The following BICD1 variants were observed in gnomAD, a reference collection of about 807,000 sequenced individuals.
BICD1 encodes BICD cargo adaptor 1.
In BICD1, 35 loss-of-function variants were observed where a neutral mutation model predicts 92.5. The observed-to-expected ratio is 0.38, with a 90% CI of 0.29 to 0.50. The LOEUF (loss-of-function observed/expected upper bound fraction) is 0.50. Among genes scored for constraint, BICD1 ranks in the 20% least tolerant of loss-of-function variants. The pLI is 0.93. For synonymous variants in BICD1, 429 were observed against 465.1 expected (o/e 0.92, Z 1.00); for missense variants, 950 against 1,189.8 (o/e 0.80, Z 2.97).
At chr12:32,156,262 A>G (rs1405655397) in intron 1 of BICD1, among the ~76,000 whole-genome samples, 1 of 152,214 alleles carries the variant, frequency 6.6e-6, no homozygotes, top group Non-Finnish European at 1.5e-5. Flanking sequence ...CAGTTCAGGC[A>G]GCAGGCAAGC....
intron 4 of BICD1, among the ~76,000 whole-genome samples, chr12:32,325,357 C>T (rs1038135937): frequency 3.9e-5 from 6 of 152,090 alleles, no homozygotes; most frequent in Admixed American, 6.5e-5. Context: ...TGTCATTGGC[C>T]GTTGGTCATG....
At chr12:32,171,710 G>C (rs973019613) in intron 1 of BICD1, among the ~76,000 whole-genome samples, 2 of 152,132 alleles carry the variant, frequency 1.3e-5, no homozygotes, top group Admixed American at 1.3e-4. Flanking sequence ...GAGGCGGATG[G>C]ATCACTCTAG....
chr12:32,245,278 G>A (rs1245397233), intron 2 of BICD1, among the ~76,000 whole-genome samples: 2 of 145,822 alleles, frequency 1.4e-5, no homozygotes, highest in African/African-American at 5.1e-5. Context: ...ACGGAGTCTC[G>A]CTCTGTCCCC....
At chr12:32,275,246 C>G (rs1461740672) in intron 2 of BICD1, among the ~76,000 whole-genome samples, 1 of 152,094 alleles carries the variant, frequency 6.6e-6, no homozygotes. Context: ...TGTTGGTTTT[C>G]ATGTAGGCAT....
intron 1 of BICD1, among the ~76,000 whole-genome samples, chr12:32,180,959 G>A (rs917337008): frequency 1.3e-5 from 2 of 151,084 alleles, no homozygotes; most frequent in Admixed American, 6.6e-5. Flanking sequence ...TAATTTTATT[G>A]TATCTTTAGA....
chr12:32,152,149 G>T (rs769860771), intron 1 of BICD1, among the ~76,000 whole-genome samples: 2 of 152,012 alleles, frequency 1.3e-5, no homozygotes, highest in Non-Finnish European at 2.9e-5. Context: ...TAGAGATGGG[G>T]TTTCGCCATG....
intron 3 of BICD1, among the ~76,000 whole-genome samples, chr12:32,296,489 C>T (rs1249215501): frequency 1.3e-5 from 2 of 151,644 alleles, no homozygotes; most frequent in African/African-American, 4.8e-5. Flanking sequence ...GATCTCCTGA[C>T]CTCATGATCT....
intron 3 of BICD1, among the ~76,000 whole-genome samples, chr12:32,299,560 T>C (rs185512117): frequency 6.6e-6 from 1 of 152,252 alleles, no homozygotes; most frequent in African/African-American, 2.4e-5. Context: ...TGAGTGAAGC[T>C]GCCCAGACAG....
intron 8 of BICD1, chr12:32,339,679 TA>T (rs1938285908): frequency 1.0e-6 from 1 of 985,314 alleles, no homozygotes; most frequent in Non-Finnish European, 1.2e-6. Flanking sequence ...TTCTTGCAAA[TA>T]AAAATCATCC....
intron 2 of BICD1, among the ~76,000 whole-genome samples, chr12:32,292,505 T>G (rs898616303): frequency 9.2e-5 from 14 of 152,180 alleles, no homozygotes; most frequent in African/African-American, 3.4e-4. Flanking sequence ...ACATAGCATG[T>G]TTTTGAACTT....
intron 1 of BICD1, among the ~76,000 whole-genome samples, chr12:32,194,888 A>G (rs1944682030): frequency 6.6e-6 from 1 of 151,282 alleles, no homozygotes; most frequent in African/African-American, 2.5e-5. Context: ...ATCCCAAAAA[A>G]TAAAATAAAA....
At chr12:32,364,911 C>T (rs1484043860) in intron 8 of BICD1, among the ~76,000 whole-genome samples, 1 of 151,698 alleles carries the variant, frequency 6.6e-6, no homozygotes, top group Non-Finnish European at 1.5e-5. Context: ...TGATAGCCAC[C>T]TAGGCAACAG....
intron 4 of BICD1, among the ~76,000 whole-genome samples, chr12:32,320,677 C>T (rs1236720583): frequency 7.0e-6 from 1 of 142,868 alleles, no homozygotes; most frequent in East Asian, 2.7e-4. Flanking sequence ...AAGGTAAACA[C>T]TCAGTGAAAT....
chr12:32,143,205 G>A (rs970645958), intron 1 of BICD1, among the ~76,000 whole-genome samples: 1 of 152,006 alleles, frequency 6.6e-6, no homozygotes, highest in Admixed American at 6.6e-5. Flanking sequence ...ATATAAACCT[G>A]CTATTCATGT....
intron 1 of BICD1, among the ~76,000 whole-genome samples, chr12:32,141,517 AGGCTGGAGTGCAGTGGTGCAATCTC>A (rs1942918479): frequency 6.6e-6 from 1 of 152,170 alleles, no homozygotes; most frequent in Non-Finnish European, 1.5e-5. Context: ...TCTGTCGCCC[AGGCTGGAGTGCAGTGGTGCAATCTC>A]GGCTCACTGC....
intron 1 of BICD1, among the ~76,000 whole-genome samples, chr12:32,123,277 G>T (rs1942219268): frequency 6.6e-6 from 1 of 152,050 alleles, no homozygotes; most frequent in South Asian, 2.1e-4. Context: ...GACCAGAGGG[G>T]GCCACATGAT....
intron 1 of BICD1, among the ~76,000 whole-genome samples, chr12:32,127,898 G>T (rs1942397437): frequency 2.0e-5 from 3 of 146,958 alleles, no homozygotes; most frequent in African/African-American, 5.0e-5. Flanking sequence ...TTGGGGCTGT[G>T]ATCTAATTCT....
intron 1 of BICD1, among the ~76,000 whole-genome samples, chr12:32,189,016 C>T (rs1458494139): frequency 2.6e-5 from 4 of 152,138 alleles, no homozygotes; most frequent in Middle Eastern, 3.2e-3. Flanking sequence ...GTATCTTTAT[C>T]GCACATGAGT....
intron 1 of BICD1, among the ~76,000 whole-genome samples, chr12:32,210,913 G>T (rs1318375821): frequency 1.3e-5 from 2 of 152,226 alleles, no homozygotes; most frequent in Non-Finnish European, 2.9e-5. Flanking sequence ...GCCTGGCTTT[G>T]TCAGGAGATA....
Sources: allele counts gnomAD v4.1 joint callset (sites outside exome capture counted in the v4.1 genomes callset), GRCh38; gene constraint gnomAD v4.1.1; transcripts MANE v1.5; gene names NCBI Gene and HGNC (gene_info 2026-07-23, HGNC 2026-07-21).